The following B4GALNT3 variants were observed in gnomAD, a reference collection of about 807,000 sequenced individuals.
The protein encoded by B4GALNT3 is beta-1,4-N-acetyl-galactosaminyltransferase 3, also known as beta-1,4-N-acetylgalactosaminyltransferase 3.
Under a neutral mutation model 120.2 loss-of-function variants are expected in B4GALNT3, and 86 were observed. The observed-to-expected ratio is 0.72, with a 90% confidence interval of 0.60 to 0.86. B4GALNT3 has a LOEUF of 0.86. Among genes scored for constraint, B4GALNT3 ranks in the 40% least tolerant of loss-of-function variants. The pLI, the probability that B4GALNT3 is intolerant of heterozygous loss-of-function variation, is 0.00. For missense variants in B4GALNT3, 1,167 were observed against 1,298.9 expected (o/e 0.90, Z 1.56); for synonymous variants, 518 against 510.4 (o/e 1.01, Z -0.20).
intron 18 of B4GALNT3, 139 bp from the exon 19 acceptor site, chr12:559,156 C>T: frequency 8.7e-7 from 1 of 1,145,158 alleles, no homozygotes; most frequent in Non-Finnish European, 1.3e-6. Context: ...AGTACTTGTT[C>T]AGCTAAGACA....
rs1260142018 is a variant in B4GALNT3, at chr12:548,314, C to T, written c.853+17C>T. The stretch of plus-strand genomic sequence containing the variant: ...TCTTCACAAGTGAGTAGGCTCTGGC[C>T]CTGCCCTGGAGATGGAGGCCAGGTG... On this transcript the variant is annotated intron_variant, in intron 9 of 19. Coordinates refer to ENST00000266383, the MANE Select transcript of B4GALNT3 (RefSeq NM_173593.4). The surrounding 1 kb of genome is among the most constrained non-coding windows in gnomAD (Gnocchi z 4.9). 2 of 1,612,444 alleles carry T rather than the reference C, an allele frequency of 1.2e-6. No homozygotes were observed.
chr12:557,695 T>C lies in B4GALNT3; in HGVS notation c.2468T>C (p.Val823Ala). ...ACCGGTGACCCACACTTCAACATCG[T>C]CATCACTGACTATAGCAGTGAGGAC... ...QVTGDPHFNI[V>A]ITDYSSEDMD... is the part of the protein sequence containing the mutation. Residue 823 changes from valine to alanine, a missense_variant, in exon 16 of 20, where the codon GTC (valine) becomes GCC (alanine). By Grantham distance (64) the Val-to-Ala change is moderately conservative (BLOSUM62 0). This residue lies in a region of B4GALNT3 where 983 missense variants were observed against 1,102.5 expected (regional missense o/e 0.89). Coordinates refer to ENST00000266383, the MANE Select transcript of B4GALNT3 (RefSeq NM_173593.4). 1 of 1,609,024 alleles carries C rather than the reference T, an allele frequency of 6.2e-7. No individual in the cohort carries two copies. The highest frequency in any genetic ancestry group is 8.5e-7 in the Non-Finnish European group (1 of 1,178,302).
chr12:558,478 T>C, intron 17 of B4GALNT3, 30 bp from the exon 18 acceptor site: 1 of 1,608,624 alleles, frequency 6.2e-7, no homozygotes, highest in Non-Finnish European at 8.5e-7. Context: ...GTCTGCAGGG[T>C]CTGCTGACCC....
In B4GALNT3 at chr12:500,865, C is replaced by CCTTTTTTTTTTTT. The variant is rs2043817132; in HGVS notation, c.170-34301_170-34300insCTTTTTTTTTTTT. 4.9e-5 allele frequency among the ~76,000 whole-genome samples: 3 copies of CCTTTTTTTTTTTT among 61,830 alleles called. 1 individual carries two copies. The highest frequency in any genetic ancestry group is 2.2e-4 in the African/African-American group (3 of 13,344). 40.6% of individuals were successfully genotyped at this position (61,830 alleles called of 152,430 possible). On this transcript the variant is annotated intron_variant, in intron 1 of 19. Transcript: ENST00000266383. The stretch of plus-strand genomic sequence containing the variant: ...CTGAATTTGAATCCTGGCTCCACTG[C>CCTTTTTTTTTTTT]TTTTTTTTTTTTTTTTTTTTGACAC...
intron 1 of B4GALNT3, among the ~76,000 whole-genome samples, chr12:512,307 CCTT>C (rs1381104695): frequency 7.5e-4 from 94 of 126,136 alleles, no homozygotes; most frequent in Non-Finnish European, 1.2e-3. Flanking sequence ...CCACCTTCCA[CCTT>C]CTTCCACCTT....
intron 1 of B4GALNT3, among the ~76,000 whole-genome samples, chr12:522,941 TAAAAAAA>T (rs61096976): frequency 3.4e-5 from 2 of 58,018 alleles, no homozygotes; most frequent in Admixed American, 2.1e-4. Context: ...AGACTCTGTT[TAAAAAAA>T]AAAAAAAAAA....
rs184611499 is a variant in B4GALNT3 at position 560,491 on chromosome 12, C to T, written c.2889-852C>T. On this transcript the variant is annotated intron_variant, in intron 19 of 19. Transcript: ENST00000266383. ...TTGCCCCAAATCTCACTCACTTAAGCGTTAGAGGCTTGAAAACTAGGTCTA... is the reference window on the plus strand; with the variant it reads ...TTGCCCCAAATCTCACTCACTTAAGTGTTAGAGGCTTGAAAACTAGGTCTA... Among the ~76,000 whole-genome samples, 226 of 152,226 alleles carry T rather than the reference C, an allele frequency of 1.5e-3. 2 individuals carry two copies. The highest frequency in any genetic ancestry group is 9.7e-3 in the Admixed American group (148 of 15,294).
chr12:553,853 G>A lies in B4GALNT3; in HGVS notation c.1930G>A (p.Asp644Asn), dbSNP rs369288672. Residue 644 changes from aspartate to asparagine, a missense_variant, in exon 14 of 20, where the codon GAC (aspartate) becomes AAC (asparagine). Asp to Asn is a conservative substitution (Grantham distance 23, BLOSUM62 1). Around this residue, in one of 3 missense-constraint regions of B4GALNT3, gnomAD observed 983 missense variants for 1,102.5 expected, o/e 0.89. Coordinates refer to ENST00000266383, the MANE Select transcript of B4GALNT3 (RefSeq NM_173593.4). ...WDQTFSARNLDFQALRTDWID... is the reference protein window; with the variant it reads ...WDQTFSARNLNFQALRTDWID... ...CCAGACCTTCAGTGCCCGGAATCTC[G>A]ACTTCCAAGCCCTGAGGACTGACTG... 170 of 1,614,046 alleles carry A rather than the reference G, an allele frequency of 1.1e-4. No individual in the cohort carries two copies. Among genetic ancestry groups the A allele is most frequent in the Middle Eastern group, 3.3e-4 (2 of 6,084 alleles).
chr12:551,135 C>T (rs1267186445), intron 11 of B4GALNT3, 104 bp downstream of exon 11: 9 of 994,836 alleles, frequency 9.0e-6, no homozygotes, highest in Non-Finnish European at 1.1e-5. Context: ...TTCCCAACAT[C>T]CCATCCCAGC....
At position 460,725 on chromosome 12, in the gene B4GALNT3, GCCGAGCGCA is replaced by G. The variant is rs1946013107; in HGVS notation, c.169+181_169+189del. Among the ~76,000 whole-genome samples the G allele has an allele frequency of 6.6e-6, 1 of 152,126 alleles. No individual in the cohort carries two copies. Among genetic ancestry groups the G allele is most frequent in the East Asian group, 1.9e-4 (1 of 5,144 alleles). The stretch of plus-strand genomic sequence containing the variant: ...AGCTGCGGGCGGGGGAAGCCGCGGG[GCCGAGCGCA>G]GAATTCCCGAGCCCGGGCCTGCCCG... On this transcript the variant is annotated intron_variant, in intron 1 of 19. Coordinates refer to ENST00000266383, the MANE Select transcript of B4GALNT3 (RefSeq NM_173593.4). This position sits in a 1 kb window ranked among gnomAD's most constrained non-coding sequence, Gnocchi z 8.0.
chr12:549,293 G>A (rs191278113), intron 9 of B4GALNT3, among the ~76,000 whole-genome samples: 2 of 152,286 alleles, frequency 1.3e-5, no homozygotes, highest in African/African-American at 2.4e-5. Context: ...GTTGTATGAT[G>A]TTGGGCAAAT....
chr12:514,449 G>A (rs1023761073), intron 1 of B4GALNT3, among the ~76,000 whole-genome samples: 24 of 151,520 alleles, frequency 1.6e-4, no homozygotes, highest in Middle Eastern at 3.5e-3. Flanking sequence ...TGCCCGCCTC[G>A]GCCTCCCAAA....
intron 1 of B4GALNT3, among the ~76,000 whole-genome samples, chr12:463,122 C>T (rs1394835791): frequency 6.6e-6 from 1 of 152,192 alleles, no homozygotes; most frequent in Non-Finnish European, 1.5e-5. Context: ...TGCCAACTCA[C>T]TCCACCACCC....
chr12:511,468 ACCTTCTT>A (rs1946558304), intron 1 of B4GALNT3, among the ~76,000 whole-genome samples: 1 of 47,244 alleles, frequency 2.1e-5, no homozygotes, highest in African/African-American at 1.3e-4. Context: ...TCCACCTTCC[ACCTTCTT>A]CCACCTTCTT....
At position 476,200 on chromosome 12, in the gene B4GALNT3, A is replaced by G. The variant is rs1393971864; in HGVS notation, c.169+15655A>G. On this transcript the variant is annotated intron_variant, in intron 1 of 19. Transcript: ENST00000266383. ...TCTGTAAAATGGGACTATTAATGGT[A>G]CCTGTCTCATTGTGTTTTTGTTGTG... is the stretch of plus-strand genomic sequence containing the variant. 6.6e-5 allele frequency among the ~76,000 whole-genome samples: 10 copies of G among 152,336 alleles called. No homozygotes were observed. In the East Asian group the frequency reaches 1.9e-3, roughly 29 times the overall value.
intron 1 of B4GALNT3, 90 bp from the exon 2 acceptor site, chr12:535,076 C>A: frequency 1.9e-6 from 2 of 1,048,520 alleles, no homozygotes; most frequent in Non-Finnish European, 1.4e-6. Context: ...GAAGGGAAGA[C>A]GGTTCCCTCC....
At chr12:528,303 T>TAC (rs1169902065) in intron 1 of B4GALNT3, among the ~76,000 whole-genome samples, 1 of 152,126 alleles carries the variant, frequency 6.6e-6, no homozygotes, top group East Asian at 1.9e-4. Flanking sequence ...CATGACACAC[T>TAC]ACAGCCCGAA....
chr12:559,772 T>C (rs1030811339), intron 19 of B4GALNT3, among the ~76,000 whole-genome samples: 1 of 152,010 alleles, frequency 6.6e-6, no homozygotes, highest in Non-Finnish European at 1.5e-5. Context: ...CCGAGGGTAG[T>C]GCGCCTCCCG....
chr12:477,565 C>G (rs1273394959), intron 1 of B4GALNT3, among the ~76,000 whole-genome samples: 1 of 152,194 alleles, frequency 6.6e-6, no homozygotes, highest in East Asian at 1.9e-4. Context: ...CACTCCCGTC[C>G]TGAGAAACGG....
Sources: allele counts gnomAD v4.1 joint callset (sites outside exome capture counted in the v4.1 genomes callset), GRCh38; gene constraint gnomAD v4.1.1; regional missense constraint gnomAD v4.1.1; non-coding constraint Gnocchi (gnomAD v3.1); transcripts MANE v1.5; gene names NCBI Gene and HGNC (gene_info 2026-07-23, HGNC 2026-07-21).